The following SAMD9L variants were observed in gnomAD, a reference collection of about 807,000 sequenced individuals.
The protein encoded by SAMD9L is sterile alpha motif domain containing 9 like.
Under a neutral mutation model 90.7 loss-of-function variants are expected in SAMD9L, and 68 were observed. The observed-to-expected ratio is 0.75, with a 90% CI of 0.62 to 0.92. The LOEUF (loss-of-function observed/expected upper bound fraction) is 0.92, where lower values mean the gene tolerates loss of function less well. Ranked by LOEUF, SAMD9L falls within the 40% of genes least tolerant of loss-of-function variation. SAMD9L has a pLI of 0.00. For missense variants in SAMD9L, 1,604 were observed against 1,824.3 expected, an observed-to-expected ratio of 0.88 and a Z score of 2.20; for synonymous variants, 640 against 630.1, an observed-to-expected ratio of 1.02 and a Z score of -0.23.
In SAMD9L at chr7:93,148,222, T is replaced by C. The variant is rs1792968268; in HGVS notation, c.-1071A>G. 2 of 152,240 alleles carry C rather than the reference T, an allele frequency of 1.3e-5. No homozygotes were observed. The highest frequency in any genetic ancestry group is 4.8e-5 in the African/African-American group (2 of 41,466). The allele number at this position is 152,240 out of a possible 1,614,324, so 9.4% of individuals were successfully genotyped here. Reference sequence around the variant, plus strand: ...GATTTTCCTGAAAATGTCATCGTTTTATATCAGAAACTTGAAACAGGCCAT... The same window carrying C: ...GATTTTCCTGAAAATGTCATCGTTTCATATCAGAAACTTGAAACAGGCCAT... On this transcript the variant is annotated 5_prime_UTR_variant, in exon 1 of 5. In the 5' UTR this introduces an upstream ATG that the reference lacks. Transcript: ENST00000318238.
Position 93,133,795 on chromosome 7 carries a change from G to A in SAMD9L, c.2177C>T (p.Ala726Val). Residue 726 changes from alanine (A) to valine (V), a missense_variant, in exon 5 of 5, where the codon GCA becomes GTA. Ala to Val is a moderately conservative substitution (Grantham distance 64, BLOSUM62 0). Transcript: ENST00000318238. ...TGCAAATATTGGTTTAGGAGACTCT[G>A]CCCAGCAGTGTATTAAATCTTTAAG... is the stretch of plus-strand genomic sequence containing the variant. ...EKLKDLIHCW[A>V]ESPKPIFAKI... 6.2e-7 allele frequency: 1 copy of A among 1,613,818 alleles called. No individual in the cohort carries two copies. The highest frequency in any genetic ancestry group is 8.5e-7 in the Non-Finnish European group (1 of 1,179,874).
chr7:93,132,191 G>T lies in SAMD9L; in HGVS notation c.3781C>A (p.Gln1261Lys). 1 of 1,613,676 alleles carries T rather than the reference G, an allele frequency of 6.2e-7. No homozygotes were observed. Among genetic ancestry groups the T allele is most frequent in the Non-Finnish European group, 8.5e-7 (1 of 1,179,846 alleles). ...SKFTSHLKNL[Q>K]SDLKRCFDFF... ...TCAAAGCACCTTTTCAGATCTGATT[G>T]TAAATTTTTTAGGTGGGATGTGAAC... The change falls in exon 5 of 5, where the codon CAA becomes AAA. Residue 1261 changes from glutamine to lysine, a missense_variant. Gln to Lys is a moderately conservative substitution (Grantham distance 53). This residue lies in a region of SAMD9L where 302 missense variants were observed against 314.7 expected (regional missense o/e 0.96). Coordinates refer to ENST00000318238, the MANE Select transcript of SAMD9L (RefSeq NM_152703.5).
rs1283560740 is a variant in SAMD9L at position 93,132,189 on chromosome 7, T to C, written c.3783A>G (p.Gln1261=). The change falls in exon 5 of 5, where the codon CAA becomes CAG. Residue 1261 remains glutamine, a synonymous_variant. Transcript: ENST00000318238. ...SKFTSHLKNL[Q]SDLKRCFDFF... ...AGTCAAAGCACCTTTTCAGATCTGA[T>C]TGTAAATTTTTTAGGTGGGATGTGA... The C allele has an allele frequency of 4.3e-6, 7 of 1,613,584 alleles. No individual in the cohort carries two copies. Among genetic ancestry groups the C allele is most frequent in the Middle Eastern group, 1.6e-4 (1 of 6,080 alleles).
intron 1 of SAMD9L, among the ~76,000 whole-genome samples, chr7:93,147,505 C>T (rs1338156778): frequency 6.6e-6 from 1 of 152,134 alleles, no homozygotes; most frequent in Non-Finnish European, 1.5e-5. Context: ...TCAGCAACAC[C>T]GCTGATATCC....
At chr7:93,136,272 C>G (rs1312026918) in intron 4 of SAMD9L, among the ~76,000 whole-genome samples, 3 of 152,110 alleles carry the variant, frequency 2.0e-5, no homozygotes, top group Non-Finnish European at 4.4e-5. Flanking sequence ...TTTAGCTTAA[C>G]TTGGTGAAAG....
rs374622073 is a variant in SAMD9L, at chr7:93,134,431, G to A, written c.1541C>T (p.Pro514Leu). 3 of 1,613,758 alleles carry A rather than the reference G, an allele frequency of 1.9e-6. No homozygotes were observed. The highest frequency in any genetic ancestry group is 2.5e-6 in the Non-Finnish European group (3 of 1,179,766). ...AGCTCTTTCTCTCTGCCATAAATGT[G>A]GTTCTAGAGGTTTATATGTCTCGCT... ...LKSETYKPLE[P>L]HLWQRERASE... The change falls in exon 5 of 5, where the codon CCA becomes CTA. Residue 514 changes from proline (P) to leucine (L), a missense_variant. Pro to Leu is a moderately conservative substitution (Grantham distance 98, BLOSUM62 -3). Around this residue, in one of 7 missense-constraint regions of SAMD9L, gnomAD observed 606 missense variants for 717.6 expected, o/e 0.84. Coordinates refer to ENST00000318238, the MANE Select transcript of SAMD9L (RefSeq NM_152703.5).
In SAMD9L at chr7:93,132,713, C is replaced by T. The variant is rs1232075047; in HGVS notation, c.3259G>A (p.Ala1087Thr). The part of the protein sequence containing the change: ...RFPQNAFICQ[A>T]LARHFYIKEK... ...TTAATGTAGAAATGTCTTGCTAAGG[C>T]TTGACAAATGAATGCATTTTGTGGG... The change falls in exon 5 of 5, where the codon GCC becomes ACC. Residue 1087 changes from alanine to threonine, a missense_variant. Transcript: ENST00000318238. 2 of 1,613,824 alleles carry T rather than the reference C, an allele frequency of 1.2e-6. No homozygotes were observed. Among genetic ancestry groups the T allele is most frequent in the African/African-American group, 1.3e-5 (1 of 74,998 alleles).
intron 4 of SAMD9L, among the ~76,000 whole-genome samples, chr7:93,136,584 A>G (rs1792462441): frequency 6.6e-6 from 1 of 152,226 alleles, no homozygotes; most frequent in Admixed American, 6.5e-5. Context: ...GAAGGTACCA[A>G]AAGAGACTAG....
rs1584279870 is a variant in SAMD9L at position 93,134,353 on chromosome 7, CTT to C, written c.1617_1618del (p.Gly541LysfsTer21). On this transcript the variant is annotated frameshift_variant, in exon 5 of 5. Coordinates refer to ENST00000318238, the MANE Select transcript of SAMD9L (RefSeq NM_152703.5). LOFTEE classifies it high-confidence loss of function. Reference sequence around the variant, plus strand: ...TAGAAACACTACCAAAAATTTTCCTCTTGTCATTATATTTTCATCTGTGAGAA... The same window carrying C: ...TAGAAACACTACCAAAAATTTTCCTCGTCATTATATTTTCATCTGTGAGAA... 1 of 1,611,108 alleles carries C rather than the reference CTT, an allele frequency of 6.2e-7. No individual in the cohort carries two copies. The highest frequency in any genetic ancestry group is 8.5e-7 in the Non-Finnish European group (1 of 1,179,270).
chr7:93,136,014 G>A (rs767317144), intron 4 of SAMD9L, 23 bp from the exon 5 acceptor site: 8 of 1,436,202 alleles, frequency 5.6e-6, no homozygotes, highest in South Asian at 3.0e-5. Context: ...AATATAATAA[G>A]TATTTTAGAA....
chr7:93,142,997 G>A (rs1030901649), intron 4 of SAMD9L, among the ~76,000 whole-genome samples: 7 of 152,168 alleles, frequency 4.6e-5, no homozygotes, highest in African/African-American at 1.7e-4. Flanking sequence ...TTCCTGCTTA[G>A]CAACCATTAC....
At chr7:93,146,576 G>A (rs73413294) in intron 2 of SAMD9L, among the ~76,000 whole-genome samples, 1,941 of 152,236 alleles carry the variant, frequency 0.013, 42 homozygotes, top group African/African-American at 0.044. Context: ...TCTGTTAAAT[G>A]AGTAACACAT....
intron 4 of SAMD9L, among the ~76,000 whole-genome samples, chr7:93,144,372 T>C (rs1201293586): frequency 6.6e-6 from 1 of 152,228 alleles, no homozygotes; most frequent in Non-Finnish European, 1.5e-5. Flanking sequence ...TGTAAAGACT[T>C]GTTTTTATTG....
chr7:93,141,775 C>G (rs556894561), intron 4 of SAMD9L, among the ~76,000 whole-genome samples: 1 of 152,302 alleles, frequency 6.6e-6, no homozygotes, highest in South Asian at 2.1e-4. Flanking sequence ...CTATTTTCAA[C>G]ACAACAGCCA....
In SAMD9L at chr7:93,131,019, G is replaced by T. The variant is rs1010059635; in HGVS notation, c.*198C>A. On this transcript the variant is annotated 3_prime_UTR_variant, in exon 5 of 5. Transcript: ENST00000318238. ...TGCATATTTAAAACATTAAAAGATT[G>T]ACTCCACTTTGTGCCAAGCTCTGCG... 2.2e-6 allele frequency: 1 copy of T among 451,898 alleles called. No individual in the cohort carries two copies. Among genetic ancestry groups the T allele is most frequent in the African/African-American group, 2.0e-5 (1 of 49,200 alleles). The allele number at this position is 451,898 out of a possible 1,614,324, so 28.0% of individuals were successfully genotyped here. A position where few individuals can be genotyped will look rare whatever the true frequency, so the allele number is the denominator to read the frequency against.
chr7:93,133,509 A>T lies in SAMD9L; in HGVS notation c.2463T>A (p.Val821=), dbSNP rs755613360. The change falls in exon 5 of 5, where the codon GTT becomes GTA. Residue 821 remains valine, a synonymous_variant. Transcript: ENST00000318238. ...CATATCGCAAATCCTTTTCTGCTAA[A>T]ACGGAATGGATGGCATTTTGTAGAA... ...VYFLQNAIHS[V]LAEKDLRYEK... is the part of the protein sequence containing the mutation. 3.7e-6 allele frequency: 6 copies of T among 1,613,056 alleles called. No individual in the cohort carries two copies. The Admixed American group carries it at 8.4e-5, about 22-fold the overall frequency.
chr7:93,133,913 A>T lies in SAMD9L; in HGVS notation c.2059T>A (p.Phe687Ile). The part of the protein sequence containing the change: ...LEFKKSKEEH[F>I]YRGGKVSWWN... ...CAGGATACTTTGCCACCTCGATAAA[A>T]GTGTTCTTCTTTTGATTTCTTAAAC... The change falls in exon 5 of 5, where the codon TTT (phenylalanine) becomes ATT (isoleucine). Residue 687 changes from phenylalanine (F) to isoleucine (I), a missense_variant. This residue lies in a region of SAMD9L where 606 missense variants were observed against 717.6 expected (regional missense o/e 0.84). Transcript: ENST00000318238. 1 of 1,613,866 alleles carries T rather than the reference A, an allele frequency of 6.2e-7. No homozygotes were observed. The highest frequency in any genetic ancestry group is 8.5e-7 in the Non-Finnish European group (1 of 1,179,886).
At position 93,131,144 on chromosome 7, in the gene SAMD9L, A is replaced by C; in HGVS notation, c.*73T>G. The C allele has an allele frequency of 1.0e-6, 1 of 991,654 alleles. No homozygotes were observed. Among genetic ancestry groups the C allele is most frequent in the East Asian group, 2.6e-5 (1 of 37,834 alleles). 61.4% of individuals were successfully genotyped at this position (991,654 alleles called of 1,614,324 possible). On this transcript the variant is annotated 3_prime_UTR_variant, in exon 5 of 5. Coordinates refer to ENST00000318238, the MANE Select transcript of SAMD9L (RefSeq NM_152703.5). Reference sequence around the variant, plus strand: ...TTAGCCATAATGTTATGAAAGTGCCATGAGAATAGAGAGAGAGAATAAAAT... The same window carrying C: ...TTAGCCATAATGTTATGAAAGTGCCCTGAGAATAGAGAGAGAGAATAAAAT...
chr7:93,138,053 G>A (rs1321053615), intron 4 of SAMD9L, among the ~76,000 whole-genome samples: 1 of 152,082 alleles, frequency 6.6e-6, no homozygotes, highest in Non-Finnish European at 1.5e-5. Context: ...TTGTCTTAGT[G>A]CCTTGAATTC....
Sources: gnomAD v4.1 joint callset for allele counts (sites outside exome capture counted in the v4.1 genomes callset) on GRCh38, gnomAD v4.1.1 for gene constraint, gnomAD v4.1.1 regional missense constraint, MANE v1.5 for transcripts, NCBI Gene and HGNC (gene_info 2026-07-23, HGNC 2026-07-21) for gene names.